DDAH1: variants seen among roughly 807,000 people sequenced by gnomAD.
DDAH1 encodes N(G),N(G)-dimethylarginine dimethylaminohydrolase 1.
A neutral mutation model predicts 28.8 loss-of-function variants in DDAH1; 19 were observed. The observed-to-expected ratio is 0.66, with a 90% CI of 0.46 to 0.97. DDAH1 has a LOEUF of 0.97. DDAH1 is among the 50% of genes least tolerant of loss of function. The pLI is 0.00. For synonymous variants in DDAH1, 153 were observed against 154.4 expected, an observed-to-expected ratio of 0.99 and a Z score of 0.07; for missense variants, 326 against 375.9, an observed-to-expected ratio of 0.87 and a Z score of 1.10.
intron 1 of DDAH1, among the ~76,000 whole-genome samples, chr1:85,427,482 C>T (rs2100626945): frequency 6.6e-6 from 1 of 152,316 alleles, no homozygotes; most frequent in Middle Eastern, 3.4e-3. Context: ...CATATGGTAA[C>T]TTGGATTCAA....
At chr1:85,491,328 C>T (rs1251459472) in intron 2 of DDAH1, among the ~76,000 whole-genome samples, 3 of 152,118 alleles carry the variant, frequency 2.0e-5, no homozygotes, top group African/African-American at 7.2e-5. Flanking sequence ...ATCTTCCTGG[C>T]TTGGTGATTG....
At chr1:85,519,791 A>T (rs577605755) in intron 1 of DDAH1, among the ~76,000 whole-genome samples, 2,173 of 152,262 alleles carry the variant, frequency 0.014, 53 homozygotes, top group African/African-American at 0.049. Flanking sequence ...ACAAACATTA[A>T]TTAATATATT....
At chr1:85,452,130 A>C (rs992563735) in intron 1 of DDAH1, among the ~76,000 whole-genome samples, 1 of 152,148 alleles carries the variant, frequency 6.6e-6, no homozygotes, top group East Asian at 1.9e-4. Context: ...TACCTTCCTA[A>C]TAGGCAATGA....
intron 1 of DDAH1, among the ~76,000 whole-genome samples, chr1:85,388,052 G>T (rs183096515): frequency 9.4e-4 from 143 of 152,250 alleles, no homozygotes; most frequent in Non-Finnish European, 8.4e-4. Context: ...ATGGCACCAA[G>T]CCTTTCATGA....
Position 85,324,863 on chromosome 1 carries a change from G to A in DDAH1, c.618C>T (p.Asp206=), listed in dbSNP as rs777959221. ...GCACAGTGAGTTTGTCGTAGCGGTGGTCACTCATCTGTTGCATGATCTATA... is the reference window on the plus strand; with the variant it reads ...GCACAGTGAGTTTGTCGTAGCGGTGATCACTCATCTGTTGCATGATCTATA... ...KALKIMQQMS[D]HRYDKLTVPD... The change falls in exon 5 of 6, where the codon GAC becomes GAT. Residue 206 remains aspartate, a synonymous_variant. Transcript: ENST00000284031. 1 of 1,613,960 alleles carries A rather than the reference G, an allele frequency of 6.2e-7. No homozygotes were observed.
intron 1 of DDAH1, among the ~76,000 whole-genome samples, chr1:85,525,134 G>A (rs621287): frequency 0.14 from 21,592 of 151,324 alleles, 1,610 homozygotes; most frequent in South Asian, 0.21. Flanking sequence ...CAGGCTATGG[G>A]CTGATGTAGA....
chr1:85,332,405 CTG>C (rs1245052024), intron 4 of DDAH1, among the ~76,000 whole-genome samples: 1 of 152,210 alleles, frequency 6.6e-6, no homozygotes, highest in Non-Finnish European at 1.5e-5. Flanking sequence ...CCTGGGGCCA[CTG>C]TCAATGAAAT....
intron 1 of DDAH1, among the ~76,000 whole-genome samples, chr1:85,460,719 CAA>C (rs1402509973): frequency 6.6e-6 from 1 of 152,158 alleles, no homozygotes; most frequent in African/African-American, 2.4e-5. Context: ...GACAGAAACT[CAA>C]GAAATTGGCA....
chr1:85,322,111 C>A (rs1283456589), intron 5 of DDAH1, among the ~76,000 whole-genome samples: 1 of 152,066 alleles, frequency 6.6e-6, no homozygotes, highest in Non-Finnish European at 1.5e-5. Flanking sequence ...TCTGTGGAGA[C>A]AGGGTCTCAC....
chr1:85,381,720 T>G (rs374542847), intron 1 of DDAH1, among the ~76,000 whole-genome samples: 2,996 of 65,832 alleles, frequency 0.046, 77 homozygotes, highest in African/African-American at 0.11. Flanking sequence ...GCAGATACTG[T>G]TTTTTTTTTT....
intron 1 of DDAH1, among the ~76,000 whole-genome samples, chr1:85,415,871 T>G (rs1208449071): frequency 6.6e-6 from 1 of 152,178 alleles, no homozygotes; most frequent in African/African-American, 2.4e-5. Context: ...ACTTTTCAGT[T>G]GTTTTAAAAC....
intron 4 of DDAH1, among the ~76,000 whole-genome samples, chr1:85,332,163 G>A (rs1647812559): frequency 6.6e-6 from 1 of 152,194 alleles, no homozygotes; most frequent in African/African-American, 2.4e-5. Context: ...GAGCCAGTTA[G>A]AAAGCCCATT....
chr1:85,494,783 A>T (rs912510263), intron 2 of DDAH1: 1 of 152,342 alleles, frequency 6.6e-6, no homozygotes, highest in Non-Finnish European at 1.5e-5. Flanking sequence ...ACAAGCACAG[A>T]GGAGGAAGAG....
At chr1:85,463,350 C>A (rs542951847) in intron 1 of DDAH1, among the ~76,000 whole-genome samples, 13 of 152,272 alleles carry the variant, frequency 8.5e-5, no homozygotes, top group African/African-American at 3.1e-4. Flanking sequence ...CAAAAGAGTG[C>A]CATTTTGAAA....
At chr1:85,372,438 A>T (rs1322768543) in intron 1 of DDAH1, among the ~76,000 whole-genome samples, 1 of 152,190 alleles carries the variant, frequency 6.6e-6, no homozygotes, top group East Asian at 1.9e-4. Context: ...AGACTGGAAC[A>T]GTTCAATAGT....
At chr1:85,466,418 T>C (rs1655380859), upstream of DDAH1, among the ~76,000 whole-genome samples, 1 of 152,148 alleles carries the variant, frequency 6.6e-6, no homozygotes, top group Non-Finnish European at 1.5e-5. Context: ...TCGCGGCTAA[T>C]TTGTATTTTT....
chr1:85,407,679 A>G (rs1652469371), intron 1 of DDAH1, among the ~76,000 whole-genome samples: 2 of 152,186 alleles, frequency 1.3e-5, no homozygotes, highest in African/African-American at 4.8e-5. Flanking sequence ...TGAAATCCCA[A>G]ACTGAAAGAA....
At chr1:85,577,337 A>G (rs1335106426) in intron 1 of DDAH1, among the ~76,000 whole-genome samples, 1 of 152,134 alleles carries the variant, frequency 6.6e-6, no homozygotes, top group Non-Finnish European at 1.5e-5. Context: ...GGGGCGGGGA[A>G]ATGGTAGAGG....
intron 1 of DDAH1, among the ~76,000 whole-genome samples, chr1:85,360,020 C>A (rs1649702403): frequency 6.6e-6 from 1 of 152,074 alleles, no homozygotes; most frequent in African/African-American, 2.4e-5. Context: ...GAATAGGGGA[C>A]AAGGGAACAA....
Sources: allele counts gnomAD v4.1 joint callset (sites outside exome capture counted in the v4.1 genomes callset), GRCh38; gene constraint gnomAD v4.1.1; transcripts MANE v1.5; gene names NCBI Gene and HGNC (gene_info 2026-07-23, HGNC 2026-07-21).